The following MTBP variants were observed in gnomAD, a reference collection of about 807,000 sequenced individuals.
MTBP encodes the protein MDM2 binding protein, also known as mdm2-binding protein.
Under a neutral mutation model 117.0 loss-of-function variants are expected in MTBP, and 101 were observed. That is an observed-to-expected ratio of 0.86 (90% CI 0.73 to 1.02). The LOEUF is 1.02. MTBP is among the 50% of genes least tolerant of loss of function. The pLI is 0.00. For missense variants in MTBP, 970 were observed against 1,030.9 expected, an observed-to-expected ratio of 0.94 and a Z score of 0.81; for synonymous variants, 350 against 351.5, an observed-to-expected ratio of 1.00 and a Z score of 0.05.
intron 13 of MTBP, among the ~76,000 whole-genome samples, chr8:120,493,241 C>G (rs1222711167): frequency 6.6e-6 from 1 of 152,118 alleles, no homozygotes; most frequent in Non-Finnish European, 1.5e-5. Flanking sequence ...ATGTTTTTCT[C>G]TCAAATATTT....
chr8:120,456,098 G>A (rs1333930769), intron 6 of MTBP, among the ~76,000 whole-genome samples: 1 of 152,136 alleles, frequency 6.6e-6, no homozygotes, highest in Non-Finnish European at 1.5e-5. Flanking sequence ...AGTTAAGAAA[G>A]TGAGAAGACA....
At chr8:120,519,333 T>A (rs995826546) in intron 20 of MTBP, among the ~76,000 whole-genome samples, 1 of 152,056 alleles carries the variant, frequency 6.6e-6, no homozygotes, top group Non-Finnish European at 1.5e-5. Flanking sequence ...CTCAGTGGGA[T>A]CATGGAATCA....
chr8:120,445,547 G>A lies in MTBP; in HGVS notation c.77G>A (p.Gly26Glu), dbSNP rs375038392. The A allele has an allele frequency of 3.1e-6, 5 of 1,613,318 alleles. No individual in the cohort carries two copies. Among genetic ancestry groups the A allele is most frequent in the African/African-American group, 1.3e-5 (1 of 74,862 alleles). The change falls in exon 1 of 22, where the codon GGG (glycine) becomes GAG (glutamate). Residue 26 changes from glycine (G) to glutamate (E), a missense_variant. Physicochemically the swap from Gly to Glu is moderately conservative, Grantham distance 98 (BLOSUM62 -2). Transcript: ENST00000305949. ...PSAASREAEH[G>E]PEVSSGEGTE... ...GCGGCCAGTAGGGAGGCAGAACATG[G>A]GCCAGAGGTGTCGTCGGGTGAGGGT...
chr8:120,493,650 C>T (rs1057053786), intron 13 of MTBP, among the ~76,000 whole-genome samples: 2 of 152,004 alleles, frequency 1.3e-5, no homozygotes, highest in African/African-American at 4.8e-5. Context: ...ACCACCACGC[C>T]AGGCTAATTT....
intron 7 of MTBP, 84 bp from the exon 8 acceptor site, chr8:120,459,131 A>G (rs924973201): frequency 5.7e-6 from 7 of 1,223,898 alleles, no homozygotes; most frequent in Non-Finnish European, 7.9e-6. Context: ...ATTTCCCCTC[A>G]ACTTTTACAT....
intron 11 of MTBP, chr8:120,471,682 A>T (rs185587012): frequency 1.3e-5 from 2 of 152,228 alleles, no homozygotes; most frequent in East Asian, 3.9e-4. Context: ...GATTCATTTA[A>T]TTTTTGTAAT....
chr8:120,451,311 A>G lies in MTBP; in HGVS notation c.414A>G (p.Leu138=). The change falls in exon 4 of 22, where the codon TTA becomes TTG. Residue 138 remains leucine (L), a synonymous_variant. Transcript: ENST00000305949. ...EEEDSNSRES[L]SLADLYEEAA... Reference sequence around the variant, plus strand: ...AAGACAGTAATAGCAGGGAATCATTATCCTTGGCTGAGTATGCTTATATGG... The same window carrying G: ...AAGACAGTAATAGCAGGGAATCATTGTCCTTGGCTGAGTATGCTTATATGG... 1 of 1,612,622 alleles carries G rather than the reference A, an allele frequency of 6.2e-7. No homozygotes were observed. The highest frequency in any genetic ancestry group is 1.1e-5 in the South Asian group (1 of 91,004).
chr8:120,507,807 T>C (rs953827225), intron 16 of MTBP, among the ~76,000 whole-genome samples: 4 of 152,250 alleles, frequency 2.6e-5, no homozygotes, highest in East Asian at 1.9e-4. Context: ...GTAATTTTTT[T>C]CCCATAACTT....
At chr8:120,506,106 A>T (rs1814680056) in intron 15 of MTBP, among the ~76,000 whole-genome samples, 1 of 152,196 alleles carries the variant, frequency 6.6e-6, no homozygotes, top group South Asian at 2.1e-4. Flanking sequence ...GATTAAGAAT[A>T]TATTATATGT....
intron 15 of MTBP, among the ~76,000 whole-genome samples, chr8:120,506,337 A>T (rs1343538564): frequency 6.6e-6 from 1 of 152,098 alleles, no homozygotes; most frequent in Non-Finnish European, 1.5e-5. Flanking sequence ...GGGGTTTCAG[A>T]ACATACAAGA....
chr8:120,493,146 T>A (rs1814381227), intron 13 of MTBP, among the ~76,000 whole-genome samples: 1 of 152,196 alleles, frequency 6.6e-6, no homozygotes, highest in Non-Finnish European at 1.5e-5. Context: ...TGCTTCTACA[T>A]TTTTCTTTAA....
At chr8:120,478,701 A>C (rs1399461588) in intron 11 of MTBP, among the ~76,000 whole-genome samples, 2 of 152,252 alleles carry the variant, frequency 1.3e-5, no homozygotes, top group African/African-American at 2.4e-5. Context: ...TGAAATGATG[A>C]AGCATGTGCC....
intron 17 of MTBP, among the ~76,000 whole-genome samples, chr8:120,514,207 G>C (rs555275006): frequency 1.3e-5 from 2 of 151,980 alleles, no homozygotes; most frequent in Middle Eastern, 6.8e-3. Context: ...GTTACCTCTT[G>C]TTTTGTGTGC....
At chr8:120,507,641 A>C (rs542828660) in intron 16 of MTBP, among the ~76,000 whole-genome samples, 28 of 152,282 alleles carry the variant, frequency 1.8e-4, no homozygotes, top group Admixed American at 3.9e-4. Flanking sequence ...TGAATTTTGC[A>C]AAGGAGTTAT....
At chr8:120,445,976 G>C (rs1813216816) in intron 1 of MTBP, among the ~76,000 whole-genome samples, 3 of 152,092 alleles carry the variant, frequency 2.0e-5, no homozygotes, top group African/African-American at 7.2e-5. Context: ...ACATCTAATG[G>C]GAGGAGACAT....
At chr8:120,495,126 G>T (rs1814424591) in intron 13 of MTBP, among the ~76,000 whole-genome samples, 1 of 151,990 alleles carries the variant, frequency 6.6e-6, no homozygotes, top group Non-Finnish European at 1.5e-5. Flanking sequence ...ACTTCTTCCA[G>T]TCACTTTTTG....
intron 15 of MTBP, among the ~76,000 whole-genome samples, chr8:120,503,977 G>T (rs551101095): frequency 1.5e-4 from 23 of 152,232 alleles, no homozygotes; most frequent in African/African-American, 5.3e-4. Flanking sequence ...AAAAAGTCAA[G>T]AATTCTTCTT....
chr8:120,460,661 C>T (rs550192287), intron 8 of MTBP, among the ~76,000 whole-genome samples: 1 of 152,182 alleles, frequency 6.6e-6, no homozygotes, highest in African/African-American at 2.4e-5. Context: ...ATGCTGGCTT[C>T]ACTATCTCTC....
chr8:120,503,807 G>A (rs1031619464), intron 15 of MTBP, among the ~76,000 whole-genome samples: 5 of 152,196 alleles, frequency 3.3e-5, no homozygotes, highest in East Asian at 1.9e-4. Flanking sequence ...GGGAGATAAC[G>A]TTAGTGGTAA....
Sources: gnomAD v4.1 joint callset for allele counts (sites outside exome capture counted in the v4.1 genomes callset) on GRCh38, gnomAD v4.1.1 for gene constraint, MANE v1.5 for transcripts, NCBI Gene and HGNC (gene_info 2026-07-23, HGNC 2026-07-21) for gene names.